Variants in CLCN5 observed in about 807,000 individuals in gnomAD.
CLCN5 encodes Cl-/H+ antiporter 5, also known as H(+)/Cl(-) exchange transporter 5.
A neutral mutation model predicts 54.0 loss-of-function variants in CLCN5; 17 were observed. That is an observed-to-expected ratio of 0.31 (90% CI 0.22 to 0.47). The LOEUF (loss-of-function observed/expected upper bound fraction) is 0.47, where lower values mean the gene tolerates loss of function less well. CLCN5 is among the 20% of genes least tolerant of loss of function. The probability of loss-of-function intolerance (pLI) is 1.00; values close to 1 mark genes in which losing one functional copy is unlikely to be tolerated. For missense variants in CLCN5, 448 were observed against 646.7 expected, an observed-to-expected ratio of 0.69 and a Z score of 3.33; for synonymous variants, 222 against 233.0, an observed-to-expected ratio of 0.95 and a Z score of 0.43.
intron 3 of CLCN5, among the ~76,000 whole-genome samples, chrX:50,030,403 A>G (rs1557185694): frequency 9.0e-6 from 1 of 111,480 alleles, no homozygotes; most frequent in African/African-American, 3.3e-5. Flanking sequence ...TAGTAGATTT[A>G]CCTCCTAATT....
intron 3 of CLCN5, among the ~76,000 whole-genome samples, chrX:50,026,880 A>AT: frequency 9.0e-6 from 1 of 111,367 alleles, no homozygotes; most frequent in Non-Finnish European, 1.9e-5. Context: ...GTAGGTATAG[A>AT]TTTTTTTGTA....
intron 3 of CLCN5, among the ~76,000 whole-genome samples, chrX:50,026,517 CTA>C (rs1342541890): frequency 9.0e-6 from 1 of 111,659 alleles, no homozygotes; most frequent in Non-Finnish European, 1.9e-5. Flanking sequence ...CCTTGTATCT[CTA>C]TCAGTTTTTG....
chrX:50,019,468 C>CTTTTTTTTTTTTT (rs1175073117), intron 3 of CLCN5, among the ~76,000 whole-genome samples: 199 of 47,626 alleles, frequency 4.2e-3, no homozygotes, highest in Non-Finnish European at 5.1e-3. Flanking sequence ...TTTTTTTTTT[C>CTTTTTTTTTTTTT]TTTTTTTTTT....
chrX:50,096,212 T>A lies in CLCN5; in HGVS notation c.*3993T>A, dbSNP rs1934257248. The A allele has an allele frequency of 9.0e-6, 1 of 111,586 alleles. No individual in the cohort carries two copies. The highest frequency in any genetic ancestry group is 9.5e-5 in the Admixed American group (1 of 10,516). The allele number at this position is 111,586 out of a possible 1,213,427, so 9.2% of individuals were successfully genotyped here. A position where few individuals can be genotyped will look rare whatever the true frequency, so the allele number is the denominator to read the frequency against. On this transcript the variant is annotated 3_prime_UTR_variant, in exon 15 of 15. Coordinates refer to ENST00000376091, the MANE Select transcript of CLCN5 (RefSeq NM_001127898.4). Reference sequence around the variant, plus strand: ...TAAAAACCCGGAGAAAAATTAGGAATTTAGAAAGTAAGTGGGAGGTAGAAT... The same window carrying A: ...TAAAAACCCGGAGAAAAATTAGGAAATTAGAAAGTAAGTGGGAGGTAGAAT...
At chrX:49,999,008 A>G (rs782134350) in intron 3 of CLCN5, among the ~76,000 whole-genome samples, 1 of 103,774 alleles carries the variant, frequency 9.6e-6, no homozygotes, top group East Asian at 3.4e-4. Flanking sequence ...GCCATAGGCT[A>G]TGTGCCCCCT....
intron 3 of CLCN5, among the ~76,000 whole-genome samples, chrX:49,945,757 C>A (rs1401216154): frequency 9.9e-6 from 1 of 101,048 alleles, no homozygotes. Context: ...CCCGGCCGCC[C>A]TTTCAATTTT....
chrX:49,964,729 T>C (rs2147311044), intron 3 of CLCN5, among the ~76,000 whole-genome samples: 1 of 111,281 alleles, frequency 9.0e-6, no homozygotes, highest in East Asian at 2.8e-4. Flanking sequence ...TATGACAAAT[T>C]CTGAATTCTA....
chrX:49,924,298 G>A (rs782207054), intron 2 of CLCN5, among the ~76,000 whole-genome samples: 6 of 110,880 alleles, frequency 5.4e-5, no homozygotes, highest in South Asian at 3.8e-4. Flanking sequence ...GATTACAGGC[G>A]TCACTTGTAA....
At chrX:49,938,374 C>T (rs1342051535) in intron 3 of CLCN5, among the ~76,000 whole-genome samples, 10 of 111,686 alleles carry the variant, frequency 9.0e-5, no homozygotes, top group Non-Finnish European at 1.5e-4. Flanking sequence ...CATCACGCTA[C>T]CTGACTTCAA....
chrX:50,002,974 G>A (rs782440872), intron 3 of CLCN5, among the ~76,000 whole-genome samples: 65 of 111,537 alleles, frequency 5.8e-4, no homozygotes, highest in Non-Finnish European at 7.7e-4. Context: ...TAAAAATAAA[G>A]GAAAAGAAAG....
At chrX:49,935,668 G>A (rs781913500) in intron 3 of CLCN5, among the ~76,000 whole-genome samples, 5 of 111,849 alleles carry the variant, frequency 4.5e-5, no homozygotes, top group Non-Finnish European at 9.4e-5. Flanking sequence ...ATGAGGAGGA[G>A]TTATCCACGC....
At chrX:50,011,081 CCA>C (rs2147401930) in intron 3 of CLCN5, among the ~76,000 whole-genome samples, 1 of 111,761 alleles carries the variant, frequency 8.9e-6, no homozygotes, top group East Asian at 2.8e-4. Flanking sequence ...TTGGTTACAT[CCA>C]CAGAGACATG....
At chrX:49,987,685 C>G (rs1239766795) in intron 3 of CLCN5, among the ~76,000 whole-genome samples, 1 of 111,275 alleles carries the variant, frequency 9.0e-6, no homozygotes, top group African/African-American at 3.3e-5. Flanking sequence ...CATAATAAAA[C>G]ATTCTTCCTG....
chrX:49,971,241 T>C (rs1419741126), intron 3 of CLCN5, among the ~76,000 whole-genome samples: 2 of 104,218 alleles, frequency 1.9e-5, no homozygotes, highest in Non-Finnish European at 3.9e-5. Flanking sequence ...TATATATTTA[T>C]TTACATATAT....
At chrX:50,007,437 C>CTCTG in intron 3 of CLCN5, among the ~76,000 whole-genome samples, 1 of 80,505 alleles carries the variant, frequency 1.2e-5, no homozygotes, top group South Asian at 5.0e-4. Flanking sequence ...CTCTCTCTCT[C>CTCTG]TGTCACACAC....
At chrX:50,028,504 G>T (rs183818258) in intron 3 of CLCN5, among the ~76,000 whole-genome samples, 80 of 111,930 alleles carry the variant, frequency 7.1e-4, no homozygotes, top group Non-Finnish European at 9.2e-4. Context: ...CTACCCCAGA[G>T]AACCTAAACT....
intron 3 of CLCN5, among the ~76,000 whole-genome samples, chrX:49,988,374 C>T (rs1195408926): frequency 9.0e-6 from 1 of 111,690 alleles, no homozygotes; most frequent in Non-Finnish European, 1.9e-5. Flanking sequence ...AGACTCTGCC[C>T]TATAAAATAA....
intron 11 of CLCN5, 195 bp from the exon 12 acceptor site, chrX:50,088,503 G>A (rs902002854): frequency 1.8e-5 from 8 of 451,643 alleles, no homozygotes; most frequent in East Asian, 3.7e-5. Context: ...CTTTGCAGTC[G>A]TCCTTGCCTG....
rs1353624498 is a variant in CLCN5, at chrX:49,975,160, A to G, written c.16+49846A>G. 1.2e-4 allele frequency among the ~76,000 whole-genome samples: 13 copies of G among 111,718 alleles called. No homozygotes were observed. The East Asian group carries it at 3.4e-3, about 29-fold the overall frequency. ...GTTTGCAATTTTTTTAAATTTTTGC[A>G]TGGGTGAAAAATCAGACCTTGGCAA... On this transcript the variant is annotated intron_variant, in intron 3 of 14. Coordinates refer to ENST00000376091, the MANE Select transcript of CLCN5 (RefSeq NM_001127898.4).
Sources: allele counts gnomAD v4.1 joint callset (sites outside exome capture counted in the v4.1 genomes callset), GRCh38; gene constraint gnomAD v4.1.1; transcripts MANE v1.5; gene names NCBI Gene and HGNC (gene_info 2026-07-23, HGNC 2026-07-21).